The following GNG10 variants were observed in gnomAD, a reference collection of about 807,000 sequenced individuals.
GNG10 encodes the protein G protein subunit gamma 10, also known as guanine nucleotide-binding protein G(I)/G(S)/G(O) subunit gamma-10.
In GNG10, 7 loss-of-function variants were observed where a neutral mutation model predicts 6.8. The ratio of observed to expected loss-of-function variants is 1.02; its 90% CI spans 0.58 to 1.92. The LOEUF is 1.92. Ranked by LOEUF, GNG10 falls within the 30% of genes most tolerant of loss-of-function variation. The probability of loss-of-function intolerance (pLI) is 0.00; values close to 1 mark genes in which losing one functional copy is unlikely to be tolerated. For synonymous variants in GNG10, 28 were observed against 34.8 expected (o/e 0.80, Z 0.69); for missense variants, 57 against 86.1 (o/e 0.66, Z 1.34).
Position 111,661,922 on chromosome 9 carries a change from G to C in GNG10, c.81+207G>C, listed in dbSNP as rs1369567046. 1.3e-5 allele frequency among the ~76,000 whole-genome samples: 2 copies of C among 151,800 alleles called. No homozygotes were observed. The highest frequency in any genetic ancestry group is 1.3e-4 in the Admixed American group (2 of 15,252). ...GACGGGAGGAAGCCGCGCCTGGGGG[G>C]CCCCGCGGTCGTGGTCGGTCCCGGT... On this transcript the variant is annotated intron_variant, in intron 1 of 2. Coordinates refer to ENST00000374293, the MANE Select transcript of GNG10 (RefSeq NM_001017998.4). The surrounding 1 kb of genome is among the most constrained non-coding windows in gnomAD (Gnocchi z 6.1).
At chr9:111,663,220 C>T (rs1830852082) in intron 1 of GNG10, among the ~76,000 whole-genome samples, 1 of 151,918 alleles carries the variant, frequency 6.6e-6, no homozygotes, top group Non-Finnish European at 1.5e-5. Context: ...CGCAGATGCG[C>T]TGTGACTGAA....
chr9:111,661,740 C>T lies in GNG10; in HGVS notation c.81+25C>T. 1.6e-6 allele frequency: 2 copies of T among 1,271,536 alleles called. No homozygotes were observed. Among genetic ancestry groups the T allele is most frequent in the Non-Finnish European group, 2.0e-6 (2 of 980,660 alleles). The allele number at this position is 1,271,536 out of a possible 1,614,324, so 78.8% of individuals were successfully genotyped here. ...GGTGCGGGCCCCGGGTACCCACGCT[C>T]CGGTCCTTCCGCCCGCGGGGCGTGA... On this transcript the variant is annotated intron_variant, in intron 1 of 2. Coordinates refer to ENST00000374293, the MANE Select transcript of GNG10 (RefSeq NM_001017998.4). This position sits in a 1 kb window ranked among gnomAD's most constrained non-coding sequence, Gnocchi z 6.1.
intron 2 of GNG10, among the ~76,000 whole-genome samples, chr9:111,667,669 G>T (rs766029050): frequency 6.6e-6 from 1 of 152,146 alleles, no homozygotes; most frequent in African/African-American, 2.4e-5. Context: ...CCTACCACCC[G>T]CTGTGATTTC....
At chr9:111,668,778 C>T (rs1236593790) in intron 2 of GNG10, among the ~76,000 whole-genome samples, 2 of 152,124 alleles carry the variant, frequency 1.3e-5, no homozygotes, top group Non-Finnish European at 2.9e-5. Context: ...AGCCACTGCG[C>T]CCGGCCTTAC....
chr9:111,661,821 C>G lies in GNG10; in HGVS notation c.81+106C>G, dbSNP rs1335073577. 1.8e-6 allele frequency: 1 copy of G among 556,616 alleles called. No homozygotes were observed. Among genetic ancestry groups the G allele is most frequent in the African/African-American group, 2.1e-5 (1 of 48,560 alleles). The allele number at this position is 556,616 out of a possible 1,614,324, so 34.5% of individuals were successfully genotyped here. On this transcript the variant is annotated intron_variant, in intron 1 of 2. Transcript: ENST00000374293. This position sits in a 1 kb window ranked among gnomAD's most constrained non-coding sequence, Gnocchi z 6.1. ...CCAGCGGGGGACTCGGTGGCGGCGG[C>G]GAGGCCTCGGCGGGGCGCGGGGGCG... is the stretch of plus-strand genomic sequence containing the variant.
chr9:111,667,569 T>G (rs775157698), intron 2 of GNG10, among the ~76,000 whole-genome samples: 12 of 152,052 alleles, frequency 7.9e-5, no homozygotes, highest in Non-Finnish European at 1.3e-4. Context: ...TCTGTCCTTA[T>G]AGCATCCAAG....
chr9:111,665,935 C>T (rs1462389652), intron 1 of GNG10, among the ~76,000 whole-genome samples: 1 of 146,450 alleles, frequency 6.8e-6, no homozygotes, highest in Non-Finnish European at 1.5e-5. Context: ...AGGGTTTCAC[C>T]ATGTTGGTCA....
intron 1 of GNG10, among the ~76,000 whole-genome samples, chr9:111,662,943 G>A (rs1289721650): frequency 6.6e-6 from 1 of 152,046 alleles, no homozygotes. Flanking sequence ...TTTTAGGGTT[G>A]AGAGGAAGTA....
At chr9:111,667,902 G>A (rs1308175687) in intron 2 of GNG10, among the ~76,000 whole-genome samples, 1 of 152,136 alleles carries the variant, frequency 6.6e-6, no homozygotes, top group Admixed American at 6.5e-5. Context: ...TGTCACCCAG[G>A]CTGGAGTGCG....
chr9:111,665,966 C>G (rs533378808), intron 1 of GNG10, among the ~76,000 whole-genome samples: 5 of 149,920 alleles, frequency 3.3e-5, no homozygotes, highest in Non-Finnish European at 7.4e-5. Context: ...GAACTCCTGA[C>G]CTCGTGATCT....
In GNG10 at chr9:111,664,212, C is replaced by T. The variant is rs112628911; in HGVS notation, c.81+2497C>T. 4.6e-5 allele frequency among the ~76,000 whole-genome samples: 7 copies of T among 152,190 alleles called. 1 individual carries two copies. The highest frequency in any genetic ancestry group is 1.4e-4 in the African/African-American group (6 of 41,530). ...ATAATTCAGGTGAATTGCCTGAGCT[C>T]GCAGTAAGCTTATTTACAAATAGGA... is the stretch of plus-strand genomic sequence containing the variant. On this transcript the variant is annotated intron_variant, in intron 1 of 2. Transcript: ENST00000374293.
rs528697467 is a variant in GNG10 at position 111,666,871 on chromosome 9, T to G, written c.138T>G (p.Asp46Glu). 4 of 1,613,932 alleles carry G rather than the reference T, an allele frequency of 2.5e-6. No homozygotes were observed. In the South Asian group the frequency reaches 4.4e-5, roughly 18 times the overall value. The part of the protein sequence containing the change: ...QQYCMQNACK[D>E]ALLVGVPAGS... ...ACTGTATGCAGAATGCCTGCAAGGA[T>G]GCCCTGCTGGTGGGTGTTCCAGCTG... The change falls in exon 2 of 3, where the codon GAT (aspartate) becomes GAG (glutamate). Residue 46 changes from aspartate (D) to glutamate (E), a missense_variant. Coordinates refer to ENST00000374293, the MANE Select transcript of GNG10 (RefSeq NM_001017998.4).
intron 2 of GNG10, among the ~76,000 whole-genome samples, chr9:111,667,737 TG>T (rs1830927283): frequency 6.6e-6 from 1 of 152,204 alleles, no homozygotes; most frequent in African/African-American, 2.4e-5. Context: ...ATATAGCTAT[TG>T]GGAAAAAGTG....
intron 2 of GNG10, among the ~76,000 whole-genome samples, chr9:111,668,428 T>TCCCTCCCCTCCCCTCCCCTC (rs35251271): frequency 4.2e-5 from 5 of 119,442 alleles, no homozygotes; most frequent in Admixed American, 1.8e-4. Flanking sequence ...GCTTCCTTCT[T>TCCCTCCCCTCCCCTCCCCTC]CCCTCCCCTC....
Position 111,661,657 on chromosome 9 carries a change from G to T in GNG10, c.23G>T (p.Ser8Ile). Residue 8 changes from serine (S) to isoleucine (I), a missense_variant, in exon 1 of 3, where the codon AGC (serine) becomes ATC (isoleucine). Ser to Ile is a moderately radical substitution (Grantham distance 142). Transcript: ENST00000374293. This position sits in a 1 kb window ranked among gnomAD's most constrained non-coding sequence, Gnocchi z 6.1. MSSGASA[S>I]ALQRLVEQLK... ...GCCATGTCCTCCGGGGCTAGCGCGAGCGCCCTGCAGCGCTTGGTAGAGCAG... is the reference window on the plus strand; with the variant it reads ...GCCATGTCCTCCGGGGCTAGCGCGATCGCCCTGCAGCGCTTGGTAGAGCAG... 2 of 1,369,034 alleles carry T rather than the reference G, an allele frequency of 1.5e-6. No individual in the cohort carries two copies. Among genetic ancestry groups the T allele is most frequent in the Non-Finnish European group, 1.9e-6 (2 of 1,040,878 alleles). 84.8% of individuals were successfully genotyped at this position (1,369,034 alleles called of 1,614,324 possible). A position where few individuals can be genotyped will look rare whatever the true frequency, so the allele number is the denominator to read the frequency against.
In GNG10 at chr9:111,666,812, C is replaced by T; in HGVS notation, c.82-3C>T. On this transcript the variant is annotated splice_region_variant and splice_polypyrimidine_tract_variant and intron_variant, in intron 1 of 2. Transcript: ENST00000374293. Reference sequence around the variant, plus strand: ...GTGCCATGTTGCTGTCCCTTTGTTTCAGGTCTCTCAGGCAGCTGCAGAGCT... The same window carrying T: ...GTGCCATGTTGCTGTCCCTTTGTTTTAGGTCTCTCAGGCAGCTGCAGAGCT... 1 of 1,612,088 alleles carries T rather than the reference C, an allele frequency of 6.2e-7. No homozygotes were observed. Among genetic ancestry groups the T allele is most frequent in the South Asian group, 1.1e-5 (1 of 90,982 alleles).
intron 1 of GNG10, among the ~76,000 whole-genome samples, chr9:111,666,474 G>A (rs921655610): frequency 6.6e-6 from 1 of 152,176 alleles, no homozygotes; most frequent in African/African-American, 2.4e-5. Context: ...ATATATTGAT[G>A]CATGTTTTAT....
At chr9:111,666,620 A>G (rs1487785909) in intron 1 of GNG10, among the ~76,000 whole-genome samples, 195 bp from the exon 2 acceptor site, 2 of 152,272 alleles carry the variant, frequency 1.3e-5, no homozygotes, top group East Asian at 1.9e-4. Flanking sequence ...ACCAAAAAAT[A>G]TCTAAATTGA....
At chr9:111,666,060 C>T (rs1354559319) in intron 1 of GNG10, among the ~76,000 whole-genome samples, 2 of 151,972 alleles carry the variant, frequency 1.3e-5, no homozygotes, top group African/African-American at 4.8e-5. Context: ...TCAAGGGGTG[C>T]GTCAATAGAC....
Sources: allele counts gnomAD v4.1 joint callset (sites outside exome capture counted in the v4.1 genomes callset), GRCh38; gene constraint gnomAD v4.1.1; non-coding constraint Gnocchi (gnomAD v3.1); transcripts MANE v1.5; gene names NCBI Gene and HGNC (gene_info 2026-07-23, HGNC 2026-07-21).